DCAF8L2: variants seen among roughly 807,000 people sequenced by gnomAD.
The protein encoded by DCAF8L2 is DDB1- and CUL4-associated factor 8-like protein 2.
For missense variants in DCAF8L2, 430 were observed against 490.7 expected (o/e 0.88, Z 1.17); for synonymous variants, 200 against 190.9 (o/e 1.05, Z -0.39).
chrX:27,598,532 A>G (rs1465690367), intron 1 of DCAF8L2, among the ~76,000 whole-genome samples: 2 of 112,626 alleles, frequency 1.8e-5, no homozygotes. Flanking sequence ...CAATTGCTAC[A>G]AAAGCATGTA....
At chrX:27,663,757 G>T (rs2147215293) in intron 2 of DCAF8L2, among the ~76,000 whole-genome samples, 1 of 109,397 alleles carries the variant, frequency 9.1e-6, no homozygotes, top group East Asian at 2.9e-4. Flanking sequence ...GAGTGCAGTG[G>T]CTTGATCTTG....
intron 1 of DCAF8L2, among the ~76,000 whole-genome samples, chrX:27,626,935 A>G (rs1409522820): frequency 9.0e-6 from 1 of 111,706 alleles, no homozygotes; most frequent in Non-Finnish European, 1.9e-5. Context: ...ATGTCTGATT[A>G]GAGCTTTCAG....
At chrX:27,573,836 T>C in the DCAF8L2 span, among the ~76,000 whole-genome samples, 1 of 108,928 alleles carries the variant, frequency 9.2e-6, no homozygotes, top group Non-Finnish European at 1.9e-5. Flanking sequence ...TATTGGAGAC[T>C]ATGCACTTCT....
At chrX:27,533,234 G>GAAAGAGAAAGAA in the DCAF8L2 span, among the ~76,000 whole-genome samples, 4 of 33,719 alleles carry the variant, frequency 1.2e-4, no homozygotes, top group African/African-American at 2.6e-4. Context: ...AAGAAAGAAA[G>GAAAGAGAAAGAA]AGAAAGAAAG....
At chrX:27,525,805 T>C in the DCAF8L2 span, among the ~76,000 whole-genome samples, 23,351 of 111,043 alleles carry the variant, frequency 0.21, 2,202 homozygotes, top group East Asian at 0.36. Context: ...TGGCTGGATA[T>C]GAAATTCTGG....
At chrX:27,716,910 T>C in intron 4 of DCAF8L2, among the ~76,000 whole-genome samples, 1 of 111,059 alleles carries the variant, frequency 9.0e-6, no homozygotes, top group African/African-American at 3.3e-5. Flanking sequence ...CAGGCTGCAG[T>C]GTGTGTTGTT....
the DCAF8L2 span, among the ~76,000 whole-genome samples, chrX:27,523,224 T>A: frequency 8.9e-6 from 1 of 112,002 alleles, no homozygotes; most frequent in African/African-American, 3.2e-5. Context: ...TAAGACTTAA[T>A]GGCATCAGAA....
the DCAF8L2 span, among the ~76,000 whole-genome samples, chrX:27,572,835 G>T: frequency 1.8e-5 from 2 of 111,071 alleles, no homozygotes; most frequent in African/African-American, 6.6e-5. Context: ...CTTCCACTTT[G>T]GTTACATTTT....
At chrX:27,558,447 C>T in the DCAF8L2 span, among the ~76,000 whole-genome samples, 2 of 111,119 alleles carry the variant, frequency 1.8e-5, no homozygotes, top group Non-Finnish European at 3.8e-5. Flanking sequence ...GCATAACAGC[C>T]TCCAGTGGTC....
chrX:27,476,094 GAT>G, the DCAF8L2 span, among the ~76,000 whole-genome samples: 3 of 110,785 alleles, frequency 2.7e-5, no homozygotes, highest in African/African-American at 9.9e-5. Context: ...ATGTGTGTGG[GAT>G]AGGGAGGCGG....
At chrX:27,529,945 A>G in the DCAF8L2 span, among the ~76,000 whole-genome samples, 1 of 111,798 alleles carries the variant, frequency 8.9e-6, no homozygotes, top group Admixed American at 9.6e-5. Context: ...TAACAAATAG[A>G]AGAATTTTGT....
At chrX:27,722,886 A>C (rs1413851852) in intron 4 of DCAF8L2, among the ~76,000 whole-genome samples, 1 of 110,897 alleles carries the variant, frequency 9.0e-6, no homozygotes, top group Non-Finnish European at 1.9e-5. Context: ...GCGTAACTGT[A>C]ATCCCAGGAG....
the DCAF8L2 span, among the ~76,000 whole-genome samples, chrX:27,513,307 A>G: frequency 1.8e-4 from 20 of 112,215 alleles, no homozygotes; most frequent in Non-Finnish European, 3.0e-4. Context: ...TGAAGAGGCA[A>G]CCTACAGAAT....
Position 27,615,578 on chromosome X carries a change from T to C in DCAF8L2, c.-341-16301T>C, listed in dbSNP as rs183337819. Among the ~76,000 whole-genome samples, 59 of 110,744 alleles carry C rather than the reference T, an allele frequency of 5.3e-4. 1 individual carries two copies. The East Asian group carries it at 0.015, about 29-fold the overall frequency. ...AATCTATCTATCTATATTTTCTGAC[T>C]TGAAAAAGTGACCTGGAAATAGATT... On this transcript the variant is annotated intron_variant, in intron 1 of 4. Transcript: ENST00000451261.
chrX:27,713,921 C>A (rs1426725619), intron 3 of DCAF8L2, among the ~76,000 whole-genome samples: 1 of 110,939 alleles, frequency 9.0e-6, no homozygotes, highest in Non-Finnish European at 1.9e-5. Flanking sequence ...TGAGAGGATC[C>A]AATATACAAG....
chrX:27,741,033 A>T (rs1921817481), intron 4 of DCAF8L2, among the ~76,000 whole-genome samples: 1 of 112,089 alleles, frequency 8.9e-6, no homozygotes, highest in Non-Finnish European at 1.9e-5. Flanking sequence ...TGGATTAATG[A>T]ATGAGAATGG....
At chrX:27,691,175 A>G (rs1267978730) in intron 3 of DCAF8L2, among the ~76,000 whole-genome samples, 2 of 111,206 alleles carry the variant, frequency 1.8e-5, no homozygotes, top group African/African-American at 6.6e-5. Context: ...AATTGCAGCA[A>G]TTCATTAACA....
At chrX:27,696,320 A>G (rs866709793) in intron 3 of DCAF8L2, among the ~76,000 whole-genome samples, 1 of 37,613 alleles carries the variant, frequency 2.7e-5, no homozygotes, top group Non-Finnish European at 5.4e-5. Context: ...GAAAGAAAGA[A>G]AGAAAGAAAG....
chrX:27,469,019 T>C, the DCAF8L2 span, among the ~76,000 whole-genome samples: 3 of 112,153 alleles, frequency 2.7e-5, no homozygotes, highest in Non-Finnish European at 5.6e-5. Flanking sequence ...ATGCAAGTAT[T>C]TTCTTGGATC....
Sources: gnomAD v4.1 joint callset for allele counts (sites outside exome capture counted in the v4.1 genomes callset) on GRCh38, gnomAD v4.1.1 for gene constraint, MANE v1.5 for transcripts, NCBI Gene and HGNC (gene_info 2026-07-23, HGNC 2026-07-21) for gene names.